The following ANGEL1 variants were observed in gnomAD, a reference collection of about 807,000 sequenced individuals.
The protein encoded by ANGEL1 is angel homolog 1.
In ANGEL1, 62 loss-of-function variants were observed where a neutral mutation model predicts 76.4. The ratio of observed to expected loss-of-function variants is 0.81; its 90% confidence interval spans 0.66 to 1.00. The LOEUF is 1.00. Ranked by LOEUF, ANGEL1 falls within the 50% of genes least tolerant of loss-of-function variation. The pLI, the probability that ANGEL1 is intolerant of heterozygous loss-of-function variation, is 0.00. For missense variants in ANGEL1, 737 were observed against 836.7 expected (o/e 0.88, Z 1.47); for synonymous variants, 340 against 331.7 (o/e 1.03, Z -0.27).
intron 7 of ANGEL1, among the ~76,000 whole-genome samples, chr14:76,796,829 A>G (rs1272467684): frequency 6.6e-6 from 1 of 152,178 alleles, no homozygotes; most frequent in African/African-American, 2.4e-5. Flanking sequence ...GTTACAGCCT[A>G]TGGTTTCACT....
chr14:76,812,333 C>T lies in ANGEL1; in HGVS notation c.64+431G>A, dbSNP rs565535895. 1.8e-5 allele frequency: 18 copies of T among 1,012,788 alleles called. No homozygotes were observed. The South Asian group carries it at 6.5e-4, about 36-fold the overall frequency. 62.7% of individuals were successfully genotyped at this position (1,012,788 alleles called of 1,614,324 possible). A position where few individuals can be genotyped will look rare whatever the true frequency, so the allele number is the denominator to read the frequency against. ...GGGAAGATCGGTGCGTCCAGTACTT[C>T]GGCCATAAACCTCCCAGAGCCGACC... On this transcript the variant is annotated intron_variant, in intron 1 of 9. Coordinates refer to ENST00000251089, the MANE Select transcript of ANGEL1 (RefSeq NM_015305.4).
At chr14:76,798,652 C>T (rs1372747872) in intron 7 of ANGEL1, among the ~76,000 whole-genome samples, 1 of 151,864 alleles carries the variant, frequency 6.6e-6, no homozygotes, top group Non-Finnish European at 1.5e-5. Flanking sequence ...TATTCCATTA[C>T]AAAGGGGGTT....
At chr14:76,803,580 G>C (rs571767228) in intron 6 of ANGEL1, 99 bp from the exon 7 acceptor site, 1 of 1,349,358 alleles carries the variant, frequency 7.4e-7, no homozygotes, top group East Asian at 2.3e-5. Context: ...GTACACAGAG[G>C]AAGCATTCAG....
rs1008165457 is a variant in ANGEL1, at chr14:76,805,673, A to C, written c.1380+743T>G. Among the ~76,000 whole-genome samples, 6 of 152,282 alleles carry C rather than the reference A, an allele frequency of 3.9e-5. No homozygotes were observed. The East Asian group carries it at 1.2e-3, about 29-fold the overall frequency. On this transcript the variant is annotated intron_variant, in intron 5 of 9. Coordinates refer to ENST00000251089, the MANE Select transcript of ANGEL1 (RefSeq NM_015305.4). ...CATATGCAAATTGCTGAGTGAAAAA[A>C]AACAAGCTACAAATGAAACATACAG...
intron 7 of ANGEL1, among the ~76,000 whole-genome samples, chr14:76,793,100 C>G (rs61992277): frequency 0.01 from 1,588 of 151,262 alleles, 16 homozygotes; most frequent in Non-Finnish European, 0.017. Context: ...ATGAACAATC[C>G]AAATATGAAA....
At chr14:76,802,298 A>C (rs1007899461) in intron 7 of ANGEL1, among the ~76,000 whole-genome samples, 2 of 152,006 alleles carry the variant, frequency 1.3e-5, no homozygotes, top group African/African-American at 4.8e-5. Flanking sequence ...TCTGCCTTTT[A>C]TTTTTCTGTT....
At chr14:76,802,466 CAG>C (rs1404475212) in intron 7 of ANGEL1, among the ~76,000 whole-genome samples, 1 of 152,144 alleles carries the variant, frequency 6.6e-6, no homozygotes, top group Non-Finnish European at 1.5e-5. Context: ...CTTTTTGACA[CAG>C]GGTTATGTCA....
rs1566702112 is a variant in ANGEL1 at position 76,809,216 on chromosome 14, G to A, written c.492C>T (p.Leu164=). 6.2e-7 allele frequency: 1 copy of A among 1,613,228 alleles called. No individual in the cohort carries two copies. Among genetic ancestry groups the A allele is most frequent in the Non-Finnish European group, 8.5e-7 (1 of 1,179,654 alleles). The change falls in exon 2 of 10, where the codon CTC becomes CTT. Residue 164 remains leucine, a synonymous_variant. Transcript: ENST00000251089. ...SEPQYADCAA[L]PVGALATEQW... is the part of the protein sequence containing the mutation. ...GCTCTGTGGCCAGGGCACCCACTGGGAGGGCAGCACAGTCTGCATACTGGG... is the reference window on the plus strand; with the variant it reads ...GCTCTGTGGCCAGGGCACCCACTGGAAGGGCAGCACAGTCTGCATACTGGG...
At chr14:76,811,927 A>C (rs1895099233) in intron 1 of ANGEL1, among the ~76,000 whole-genome samples, 1 of 152,222 alleles carries the variant, frequency 6.6e-6, no homozygotes, top group East Asian at 1.9e-4. Flanking sequence ...ACAAAGGAAA[A>C]CCACAGAATA....
rs1894971329 is a variant in ANGEL1, at chr14:76,808,004, T to C, written c.794A>G (p.Tyr265Cys). 1.2e-6 allele frequency: 2 copies of C among 1,614,198 alleles called. No individual in the cohort carries two copies. Among genetic ancestry groups the C allele is most frequent in the African/African-American group, 1.3e-5 (1 of 75,070 alleles). Residue 265 changes from tyrosine to cysteine, a missense_variant, in exon 3 of 10, where the codon TAT becomes TGT. Around this residue, in one of 2 missense-constraint regions of ANGEL1, gnomAD observed 441 missense variants for 449.5 expected, o/e 0.98. Transcript: ENST00000251089. Reference sequence around the variant, plus strand: ...GAGGATGTCTGGATGGCAATGTAGATAGAGCTCTGAGCTCTGCTGCATCAG... The same window carrying C: ...GAGGATGTCTGGATGGCAATGTAGACAGAGCTCTGAGCTCTGCTGCATCAG... ...QDLMQQSSEL[Y>C]LHCHPDILNW...
chr14:76,797,946 C>T (rs538736327), intron 7 of ANGEL1, among the ~76,000 whole-genome samples: 11 of 152,288 alleles, frequency 7.2e-5, no homozygotes, highest in Non-Finnish European at 1.0e-4. Context: ...CTAACCCCCA[C>T]GGTGATGAAG....
chr14:76,809,657 C>CA lies in ANGEL1; in HGVS notation c.65-15dup. 6.2e-7 allele frequency: 1 copy of CA among 1,603,872 alleles called. No individual in the cohort carries two copies. The highest frequency in any genetic ancestry group is 8.5e-7 in the Non-Finnish European group (1 of 1,173,186). Reference sequence around the variant, plus strand: ...TGAAGAAAGCATCTAGGAGGAAAGCCAAAATACCAGGTTATAAGACTGTCA... The same window carrying CA: ...TGAAGAAAGCATCTAGGAGGAAAGCCAAAAATACCAGGTTATAAGACTGTCA... On this transcript the variant is annotated splice_polypyrimidine_tract_variant and intron_variant, in intron 1 of 9. Coordinates refer to ENST00000251089, the MANE Select transcript of ANGEL1 (RefSeq NM_015305.4).
rs1226252872 is a variant in ANGEL1 at position 76,807,940 on chromosome 14, G to A, written c.858C>T (p.Phe286=). 6.2e-7 allele frequency: 1 copy of A among 1,613,980 alleles called. No individual in the cohort carries two copies. The highest frequency in any genetic ancestry group is 8.5e-7 in the Non-Finnish European group (1 of 1,180,040). The change falls in exon 3 of 10, where the codon TTC becomes TTT. Residue 286 remains phenylalanine (F), a synonymous_variant. Coordinates refer to ENST00000251089, the MANE Select transcript of ANGEL1 (RefSeq NM_015305.4). ...CACTCACATCAGGGTCCCAGTGCTG[G>A]AATTCCTGCATGAGGTTCACGAAGC... The part of the protein sequence containing the change: ...NYRFVNLMQE[F]QHWDPDILCL...
At position 76,798,876 on chromosome 14, in the gene ANGEL1, G is replaced by A. The variant is rs367895946; in HGVS notation, c.1618+4495C>T. 3.1e-4 allele frequency among the ~76,000 whole-genome samples: 47 copies of A among 151,412 alleles called. 1 individual carries two copies. In the South Asian group the frequency reaches 7.7e-3, roughly 25 times the overall value. ...GGCACGAGAATTGCCTGAACCCGGG[G>A]GCAAAGGCTGCAGTAAGCCAAGACT... On this transcript the variant is annotated intron_variant, in intron 7 of 9. Transcript: ENST00000251089.
At chr14:76,803,687 A>G (rs927774754) in intron 6 of ANGEL1, 99 bp downstream of exon 6, 1 of 1,500,588 alleles carries the variant, frequency 6.7e-7, no homozygotes, top group African/African-American at 1.4e-5. Context: ...ATCTGCTAAG[A>G]GAAATGAGGG....
Position 76,809,079 on chromosome 14 carries a change from G to A in ANGEL1, c.629C>T (p.Ala210Val). The A allele has an allele frequency of 6.2e-7, 1 of 1,612,982 alleles. No individual in the cohort carries two copies. Among genetic ancestry groups the A allele is most frequent in the Non-Finnish European group, 8.5e-7 (1 of 1,179,330 alleles). Residue 210 changes from alanine (A) to valine (V), a missense_variant, in exon 2 of 10, where the codon GCA becomes GTA. Physicochemically the swap from Ala to Val is moderately conservative, Grantham distance 64. This residue lies in a region of ANGEL1 where 441 missense variants were observed against 449.5 expected (regional missense o/e 0.98). Transcript: ENST00000251089. ...FEGLGQLQPP[A>V]VEIPYHEILW... ...CTCACCATGATATGGTATTTCCACT[G>A]CGGGAGGCTGCAACTGCCCCAGGCC...
At chr14:76,811,521 G>T (rs948949031) in intron 1 of ANGEL1, among the ~76,000 whole-genome samples, 3 of 47,044 alleles carry the variant, frequency 6.4e-5, no homozygotes, top group East Asian at 4.1e-4. Context: ...GTGTAGGTGG[G>T]GGGGCGGGGG....
chr14:76,809,093 C>T lies in ANGEL1; in HGVS notation c.615G>A (p.Gln205=). ...GTATTTCCACTGCGGGAGGCTGCAA[C>T]TGCCCCAGGCCCTCAAAGGGCCAGA... ...ASIWPFEGLG[Q]LQPPAVEIPY... Residue 205 remains glutamine, a synonymous_variant, in exon 2 of 10, where the codon CAG becomes CAA. Coordinates refer to ENST00000251089, the MANE Select transcript of ANGEL1 (RefSeq NM_015305.4). The T allele has an allele frequency of 6.2e-7, 1 of 1,613,736 alleles. No homozygotes were observed. The highest frequency in any genetic ancestry group is 1.7e-5 in the Admixed American group (1 of 59,994).
chr14:76,793,557 G>GTTTTT (rs113463837), intron 7 of ANGEL1, among the ~76,000 whole-genome samples: 1 of 131,868 alleles, frequency 7.6e-6, no homozygotes. Flanking sequence ...GGTTTTTTTG[G>GTTTTT]TTTTTTTTTT....
Sources: allele counts gnomAD v4.1 joint callset (sites outside exome capture counted in the v4.1 genomes callset), GRCh38; gene constraint gnomAD v4.1.1; regional missense constraint gnomAD v4.1.1; transcripts MANE v1.5; gene names NCBI Gene and HGNC (gene_info 2026-07-23, HGNC 2026-07-21).